Variants in IFT25 observed in about 807,000 individuals in gnomAD.
IFT25 encodes intraflagellar transport 25.
At chr1:53,915,898 T>C in the IFT25 span, among the ~76,000 whole-genome samples, 1 of 151,806 alleles carries the variant, frequency 6.6e-6, no homozygotes, top group African/African-American at 2.4e-5. Context: ...TTTAAAAAGG[T>C]GAGGGGCTGA....
chr1:53,933,011 A>G, the IFT25 span, among the ~76,000 whole-genome samples: 2 of 152,138 alleles, frequency 1.3e-5, no homozygotes, highest in Non-Finnish European at 2.9e-5. Flanking sequence ...GGGTATTAAA[A>G]TCTCTAACTA....
the IFT25 span, among the ~76,000 whole-genome samples, chr1:53,938,560 T>A: frequency 6.6e-6 from 1 of 152,112 alleles, no homozygotes; most frequent in Non-Finnish European, 1.5e-5. Context: ...ATGCAAAGAA[T>A]CATAAAACCT....
chr1:53,940,068 A>G, the IFT25 span: 2 of 1,603,522 alleles, frequency 1.2e-6, no homozygotes, highest in East Asian at 2.2e-5. Context: ...TCAGACAGAG[A>G]TCAATTTTTC....
At chr1:53,927,045 A>G in the IFT25 span, among the ~76,000 whole-genome samples, 1 of 152,130 alleles carries the variant, frequency 6.6e-6, no homozygotes, top group Admixed American at 6.5e-5. Flanking sequence ...AGATTTTATC[A>G]TCTTGTCTAT....
the IFT25 span, chr1:53,929,872 G>A: frequency 8.8e-7 from 1 of 1,130,322 alleles, no homozygotes; most frequent in Admixed American, 4.1e-5. Context: ...TTTCACCCCA[G>A]CAATAAAACT....
At chr1:53,921,584 GTA>G in the IFT25 span, 1 of 874,620 alleles carries the variant, frequency 1.1e-6, no homozygotes, top group Non-Finnish European at 1.9e-6. Flanking sequence ...TTTTAATAAA[GTA>G]TATCAGTGAC....
At chr1:53,945,793 T>C in the IFT25 span, 1 of 100,040 alleles carries the variant, frequency 1.0e-5, no homozygotes, top group African/African-American at 4.1e-5. Context: ...CGCGCGCTCC[T>C]ACCCCGAGCT....
the IFT25 span, among the ~76,000 whole-genome samples, chr1:53,936,307 G>A: frequency 6.6e-6 from 1 of 151,406 alleles, no homozygotes; most frequent in Non-Finnish European, 1.5e-5. Flanking sequence ...AAAATTAGTC[G>A]GACATGGTGG....
the IFT25 span, chr1:53,921,762 A>T: frequency 3.1e-6 from 5 of 1,598,996 alleles, no homozygotes; most frequent in African/African-American, 5.4e-5. Flanking sequence ...CGGAGCCATC[A>T]TGTGCCTGTA....
At chr1:53,929,687 T>C in the IFT25 span, 2 of 169,710 alleles carry the variant, frequency 1.2e-5, no homozygotes, top group African/African-American at 4.8e-5. Flanking sequence ...AGAATAAAGA[T>C]GTCATGGAAT....
At chr1:53,924,004 C>G in the IFT25 span, 6 of 1,102,910 alleles carry the variant, frequency 5.4e-6, no homozygotes, top group Non-Finnish European at 8.2e-6. Context: ...ATGAGAATAG[C>G]TATTGAAATT....
At chr1:53,933,277 G>T in the IFT25 span, among the ~76,000 whole-genome samples, 7 of 151,990 alleles carry the variant, frequency 4.6e-5, no homozygotes, top group African/African-American at 1.7e-4. Context: ...TGGGACTACA[G>T]GCATGCGCCA....
At chr1:53,921,911 G>A in the IFT25 span, 1 of 586,496 alleles carries the variant, frequency 1.7e-6, no homozygotes, top group Non-Finnish European at 3.1e-6. Flanking sequence ...TAATAGTTGT[G>A]GTACATATCA....
chr1:53,916,736 TATTCATCTTTCCCCAA>T, the IFT25 span: 1 of 369,674 alleles, frequency 2.7e-6, no homozygotes, highest in African/African-American at 2.1e-5. Context: ...CAGACTTTTT[TATTCATCTTTCCCCAA>T]ATTCATCATT....
the IFT25 span, among the ~76,000 whole-genome samples, chr1:53,913,248 C>T: frequency 6.6e-6 from 1 of 152,202 alleles, no homozygotes; most frequent in Admixed American, 6.5e-5. Flanking sequence ...TCAGAGCTCC[C>T]TATGGGATCA....
the IFT25 span, among the ~76,000 whole-genome samples, chr1:53,917,865 A>G: frequency 3.9e-5 from 6 of 152,000 alleles, no homozygotes; most frequent in African/African-American, 1.2e-4. Flanking sequence ...CAGTTTGTCT[A>G]TTCAAATCAG....
the IFT25 span, among the ~76,000 whole-genome samples, chr1:53,914,532 T>G: frequency 6.6e-6 from 1 of 152,134 alleles, no homozygotes; most frequent in Non-Finnish European, 1.5e-5. Context: ...ATATCATACT[T>G]TCTAATATAT....
the IFT25 span, among the ~76,000 whole-genome samples, chr1:53,942,273 A>AG: frequency 1.3e-5 from 2 of 152,246 alleles, no homozygotes; most frequent in Non-Finnish European, 2.9e-5. Flanking sequence ...ATCAGGGGTT[A>AG]GCAAACTACT....
the IFT25 span, among the ~76,000 whole-genome samples, chr1:53,925,834 C>T: frequency 1.3e-5 from 2 of 151,084 alleles, no homozygotes; most frequent in African/African-American, 4.9e-5. Flanking sequence ...GGTGTGGTGG[C>T]TCACTCCTAT....
Sources: allele counts gnomAD v4.1 joint callset (sites outside exome capture counted in the v4.1 genomes callset), GRCh38; gene constraint gnomAD v4.1.1; transcripts MANE v1.5; gene names NCBI Gene and HGNC (gene_info 2026-07-23, HGNC 2026-07-21).